The following MYH10 variants were observed in gnomAD, a reference collection of about 807,000 sequenced individuals.
MYH10 encodes the protein myosin-10.
Under a neutral mutation model 257.8 loss-of-function variants are expected in MYH10, and 55 were observed. That is an observed-to-expected ratio of 0.21 (90% CI 0.17 to 0.27). The LOEUF is 0.27. Among genes scored for constraint, MYH10 ranks in the 10% least tolerant of loss-of-function variants. The pLI, the probability that MYH10 is intolerant of heterozygous loss-of-function variation, is 1.00. For missense variants in MYH10, 1,631 were observed against 2,500.6 expected (o/e 0.65, Z 7.42); for synonymous variants, 854 against 921.7 (o/e 0.93, Z 1.33).
intron 31 of MYH10, among the ~76,000 whole-genome samples, chr17:8,494,520 A>T (rs1238238932): frequency 1.3e-5 from 2 of 151,668 alleles, no homozygotes; most frequent in Non-Finnish European, 2.9e-5. Flanking sequence ...CTGCCTAATT[A>T]TTCCACTTTT....
intron 35 of MYH10, among the ~76,000 whole-genome samples, chr17:8,489,745 A>ACACACACACACACACACACACACACC (rs1258993754): frequency 1.4e-4 from 21 of 150,796 alleles, no homozygotes; most frequent in East Asian, 5.8e-4. Context: ...ACACACACAC[A>ACACACACACACACACACACACACACC]CCCCAAATCC....
At chr17:8,602,901 A>G (rs914220712) in intron 3 of MYH10, among the ~76,000 whole-genome samples, 5 of 152,238 alleles carry the variant, frequency 3.3e-5, no homozygotes, top group Non-Finnish European at 5.9e-5. Flanking sequence ...CTTGACACAC[A>G]GTAATTTTCA....
chr17:8,535,638 T>G lies in MYH10; in HGVS notation c.1779+120A>C. 2 of 1,232,472 alleles carry G rather than the reference T, an allele frequency of 1.6e-6. No homozygotes were observed. The highest frequency in any genetic ancestry group is 1.1e-6 in the Non-Finnish European group (1 of 876,186). 76.3% of individuals were successfully genotyped at this position (1,232,472 alleles called of 1,614,324 possible). Reference sequence around the variant, plus strand: ...GGCTGTCTGAAAGACAATATGTTTGTAATATATACTGTATTTGTTTATAAA... The same window carrying G: ...GGCTGTCTGAAAGACAATATGTTTGGAATATATACTGTATTTGTTTATAAA... On this transcript the variant is annotated intron_variant, in intron 15 of 42. Coordinates refer to ENST00000360416, the MANE Select transcript of MYH10 (RefSeq NM_001256012.3). This position sits in a 1 kb window ranked among gnomAD's most constrained non-coding sequence, Gnocchi z 4.3.
At chr17:8,513,464 G>A in intron 23 of MYH10, 74 bp downstream of exon 23, 2 of 1,579,616 alleles carry the variant, frequency 1.3e-6, no homozygotes, top group Non-Finnish European at 1.7e-6. Flanking sequence ...AATGAAATGT[G>A]TCGGGGTTGC....
rs141762700 is a variant in MYH10 at position 8,502,460 on chromosome 17, G to A, written c.3600-1490C>T. ...GGGAAATCTCTCCTACTAGCAGCAC[G>A]TTGTCTTTTGGGAAAATAGTTGTGT... On this transcript the variant is annotated intron_variant, in intron 28 of 42. Coordinates refer to ENST00000360416, the MANE Select transcript of MYH10 (RefSeq NM_001256012.3). Among the ~76,000 whole-genome samples the A allele has an allele frequency of 5.5e-5, 8 of 145,498 alleles. No individual in the cohort carries two copies. The East Asian group carries it at 6.1e-4, about 11-fold the overall frequency.
chr17:8,519,902 C>A (rs1597723266), intron 19 of MYH10, among the ~76,000 whole-genome samples: 2 of 152,242 alleles, frequency 1.3e-5, no homozygotes, highest in East Asian at 3.9e-4. Context: ...ATGTTTGTAT[C>A]CATTTCCACT....
Position 8,535,754 on chromosome 17 carries a change from T to C in MYH10, c.1779+4A>G. ...ATCCAGTTATTCAACATAAGAGCTC[T>C]TACCTTCCCTGCATAATGTATAATG... is the stretch of plus-strand genomic sequence containing the variant. On this transcript the variant is annotated splice_donor_region_variant and intron_variant, in intron 15 of 42. Transcript: ENST00000360416. This position sits in a 1 kb window ranked among gnomAD's most constrained non-coding sequence, Gnocchi z 4.3. 6.2e-7 allele frequency: 1 copy of C among 1,611,752 alleles called. No homozygotes were observed. The highest frequency in any genetic ancestry group is 8.5e-7 in the Non-Finnish European group (1 of 1,178,572).
At chr17:8,493,079 GCCAGGCATGGTGGCTCACGCCTGTAATC>G in intron 32 of MYH10, 55 bp from the exon 33 acceptor site, 1 of 1,569,682 alleles carries the variant, frequency 6.4e-7, no homozygotes, top group African/African-American at 1.4e-5. Flanking sequence ...CTCAATTGGG[GCCAGGCATGGTGGCTCACGCCTGTAATC>G]CCAGCACTTT....
At chr17:8,496,244 T>C (rs1362510425) in intron 30 of MYH10, among the ~76,000 whole-genome samples, 1 of 152,246 alleles carries the variant, frequency 6.6e-6, no homozygotes, top group African/African-American at 2.4e-5. Context: ...GCGTTCTCGC[T>C]AGTCCTCGTC....
chr17:8,592,970 T>TATATATATATAA lies in MYH10; in HGVS notation c.503-3863_503-3862insTTATATATATAT, dbSNP rs1567953268. Among the ~76,000 whole-genome samples the TATATATATATAA allele has an allele frequency of 5.7e-4, 69 of 121,950 alleles. 5 individuals carry two copies. The highest frequency in any genetic ancestry group is 2.1e-3 in the South Asian group (8 of 3,876). 80.0% of individuals were successfully genotyped at this position (121,950 alleles called of 152,430 possible). On this transcript the variant is annotated intron_variant, in intron 3 of 42. Transcript: ENST00000360416. ...ATATATATATATATATATATATATA[T>TATATATATATAA]AAAAGATGATGCACAGAAAGAACAA...
Position 8,476,887 on chromosome 17 carries a change from C to T in MYH10, c.5868G>A (p.Lys1956=), listed in dbSNP as rs751599401. 1.9e-6 allele frequency: 3 copies of T among 1,609,346 alleles called. No homozygotes were observed. The South Asian group carries it at 3.3e-5, about 18-fold the overall frequency. ...EGLSREVSTL[K]NRLRRGGPIS... ...GCATGCCTGCTCACCTCAGCCGGTT[C>T]TTCAGGGTGCTGACCTCGCGGCTCA... The change falls in exon 42 of 43, where the codon AAG becomes AAA. Residue 1956 remains lysine (K), a synonymous_variant. Transcript: ENST00000360416.
chr17:8,493,920 A>AC, intron 31 of MYH10, 35 bp from the exon 32 acceptor site: 2 of 1,578,432 alleles, frequency 1.3e-6, no homozygotes, highest in Non-Finnish European at 1.7e-6. Context: ...CACTTCCATT[A>AC]CATTTATCAC....
Position 8,618,362 on chromosome 17 carries a change from C to T in MYH10, c.345+4540G>A, listed in dbSNP as rs536850987. On this transcript the variant is annotated intron_variant, in intron 2 of 42. Transcript: ENST00000360416. ...CTCCTGGGTTGTCCTGCCTCAGCCT[C>T]CCAAGTAGCTGGGGCTACAGGCATG... Among the ~76,000 whole-genome samples, 273 of 151,920 alleles carry T rather than the reference C, an allele frequency of 1.8e-3. 1 individual carries two copies. Among genetic ancestry groups the T allele is most frequent in the Non-Finnish European group, 3.4e-3 (229 of 67,984 alleles).
Position 8,476,920 on chromosome 17 carries a change from G to A in MYH10, c.5835C>T (p.Asn1945=), listed in dbSNP as rs559417728. The change falls in exon 42 of 43, where the codon AAC becomes AAT. Residue 1945 remains asparagine (N), a synonymous_variant. Coordinates refer to ENST00000360416, the MANE Select transcript of MYH10 (RefSeq NM_001256012.3). The part of the protein sequence containing the change: ...QRELDDATEA[N]EGLSREVSTL... ...TGCTGACCTCGCGGCTCAGGCCCTC[G>A]TTGGCCTCGGTGGCATCATCCAGTT... The A allele has an allele frequency of 4.0e-5, 65 of 1,613,020 alleles. No individual in the cohort carries two copies. The South Asian group carries it at 5.5e-4, about 14-fold the overall frequency.
rs766381579 is a variant in MYH10 at position 8,500,955 on chromosome 17, T to A, written c.3615A>T (p.Gln1205His). 1 of 1,613,986 alleles carries A rather than the reference T, an allele frequency of 6.2e-7. No homozygotes were observed. Residue 1205 changes from glutamine to histidine, a missense_variant, in exon 29 of 43, where the codon CAA (glutamine) becomes CAT (histidine). By Grantham distance (24) the Gln-to-His change is conservative. Transcript: ENST00000360416. ...GAGCTTTCTTCAGCTCTGCCACTTC[T>A]TGTTCACGTTTTGTACTAGAGAAGG... ...AQQELRTKRE[Q>H]EVAELKKALE...
chr17:8,622,756 C>T (rs2085515542), intron 2 of MYH10, 146 bp downstream of exon 2: 1 of 1,001,430 alleles, frequency 1.0e-6, no homozygotes. Flanking sequence ...GGTAAGCAAG[C>T]AACAAATCTT....
At chr17:8,510,665 A>G (rs1477792409) in intron 24 of MYH10, among the ~76,000 whole-genome samples, 1 of 152,246 alleles carries the variant, frequency 6.6e-6, no homozygotes, top group Non-Finnish European at 1.5e-5. Context: ...ACAAACATGA[A>G]TAATGTAGTA....
At chr17:8,547,780 CATATT>C (rs1490884736) in intron 11 of MYH10, among the ~76,000 whole-genome samples, 1 of 139,950 alleles carries the variant, frequency 7.1e-6, no homozygotes, top group African/African-American at 2.8e-5. Context: ...ACTTTATATC[CATATT>C]ATATTTATAT....
chr17:8,508,200 C>T (rs925863894), intron 26 of MYH10, among the ~76,000 whole-genome samples: 5 of 152,026 alleles, frequency 3.3e-5, no homozygotes, highest in Admixed American at 6.6e-5. Flanking sequence ...AGCTCCTGGG[C>T]GCAAGCAATC....
Sources: gnomAD v4.1 joint callset for allele counts (sites outside exome capture counted in the v4.1 genomes callset) on GRCh38, gnomAD v4.1.1 for gene constraint, Gnocchi (gnomAD v3.1) non-coding constraint, MANE v1.5 for transcripts, NCBI Gene and HGNC (gene_info 2026-07-23, HGNC 2026-07-21) for gene names.